Variants in WWC1 observed in about 807,000 individuals in gnomAD.
WWC1 encodes WW and C2 domain containing 1.
Under a neutral mutation model 138.4 loss-of-function variants are expected in WWC1, and 55 were observed. That is an observed-to-expected ratio of 0.40 (90% confidence interval 0.32 to 0.50). The LOEUF (loss-of-function observed/expected upper bound fraction) is 0.50, where lower values mean the gene tolerates loss of function less well. Ranked by LOEUF, WWC1 falls within the 20% of genes least tolerant of loss-of-function variation. The pLI, the probability that WWC1 is intolerant of heterozygous loss-of-function variation, is 0.72. For synonymous variants in WWC1, 524 were observed against 564.9 expected (o/e 0.93, Z 1.03); for missense variants, 1,226 against 1,420.4 (o/e 0.86, Z 2.20).
intron 7 of WWC1, among the ~76,000 whole-genome samples, chr5:168,409,278 T>C (rs540417973): frequency 1.7e-4 from 26 of 152,314 alleles, no homozygotes; most frequent in Non-Finnish European, 2.2e-4. Flanking sequence ...AGCCTCTATA[T>C]GCTGTTCCTA....
intron 18 of WWC1, 129 bp downstream of exon 18, chr5:168,454,229 G>A: frequency 7.1e-7 from 1 of 1,404,030 alleles, no homozygotes; most frequent in Non-Finnish European, 9.6e-7. Flanking sequence ...CCTCATAATG[G>A]AGTGGCCTTT....
intron 1 of WWC1, among the ~76,000 whole-genome samples, chr5:168,301,638 C>CA (rs778792626): frequency 0.24 from 23,632 of 99,676 alleles, 2,097 homozygotes; most frequent in Non-Finnish European, 0.24. Context: ...AACTTCGTCT[C>CA]AAAAAAAAAA....
At chr5:168,377,971 C>A (rs1777346585) in intron 2 of WWC1, among the ~76,000 whole-genome samples, 1 of 152,184 alleles carries the variant, frequency 6.6e-6, no homozygotes, top group South Asian at 2.1e-4. Flanking sequence ...AAGACACATG[C>A]ACTCATATGT....
intron 9 of WWC1, chr5:168,415,034 T>C (rs10077631): frequency 0.54 from 88,028 of 164,458 alleles, 25,279 homozygotes; most frequent in East Asian, 0.77. Flanking sequence ...TCATGCAGTT[T>C]GTGACTCACC....
intron 15 of WWC1, among the ~76,000 whole-genome samples, chr5:168,441,111 A>G (rs11741063): frequency 0.33 from 49,555 of 152,072 alleles, 8,294 homozygotes; most frequent in South Asian, 0.44. Context: ...ATTCTGATAC[A>G]TGCTGCGACA....
intron 1 of WWC1, among the ~76,000 whole-genome samples, chr5:168,302,458 T>C (rs989086121): frequency 6.6e-6 from 1 of 152,194 alleles, no homozygotes; most frequent in East Asian, 1.9e-4. Context: ...TGATGTTCTC[T>C]AGAGCTCTTT....
chr5:168,462,347 A>G (rs1157954204), intron 20 of WWC1, among the ~76,000 whole-genome samples: 1 of 152,074 alleles, frequency 6.6e-6, no homozygotes. Context: ...CCAACTGCCC[A>G]CTCTGGGTCC....
intron 10 of WWC1, 129 bp downstream of exon 10, chr5:168,422,226 C>A: frequency 4.5e-6 from 4 of 883,694 alleles, no homozygotes; most frequent in Non-Finnish European, 5.4e-6. Flanking sequence ...AGAAGCATAG[C>A]AAATGGATTG....
intron 2 of WWC1, among the ~76,000 whole-genome samples, chr5:168,380,456 A>G (rs1777539121): frequency 6.6e-6 from 1 of 152,206 alleles, no homozygotes; most frequent in Non-Finnish European, 1.5e-5. Flanking sequence ...AAATAAAAAA[A>G]TAAAATTCCA....
At chr5:168,315,149 C>T (rs1245960978) in intron 1 of WWC1, among the ~76,000 whole-genome samples, 1 of 151,546 alleles carries the variant, frequency 6.6e-6, no homozygotes, top group Non-Finnish European at 1.5e-5. Flanking sequence ...GAAAATAAAC[C>T]AATATTCCAT....
intron 1 of WWC1, among the ~76,000 whole-genome samples, chr5:168,350,299 T>A (rs1159935229): frequency 6.6e-6 from 1 of 152,180 alleles, no homozygotes. Flanking sequence ...CTTTTACTAG[T>A]CCATAGTGGG....
chr5:168,312,421 A>G (rs1349132150), intron 1 of WWC1, among the ~76,000 whole-genome samples: 1 of 152,270 alleles, frequency 6.6e-6, no homozygotes, highest in Non-Finnish European at 1.5e-5. Flanking sequence ...TGGCAAAGCC[A>G]GGATTCAAGC....
chr5:168,445,767 G>A (rs1755202213), intron 17 of WWC1, among the ~76,000 whole-genome samples: 1 of 151,082 alleles, frequency 6.6e-6, no homozygotes, highest in East Asian at 2.0e-4. Flanking sequence ...CAGCCCCATG[G>A]TGTTACTGGG....
intron 1 of WWC1, among the ~76,000 whole-genome samples, chr5:168,341,109 C>T (rs1035421): frequency 0.76 from 115,072 of 152,038 alleles, 43,681 homozygotes; most frequent in East Asian, 0.84. Flanking sequence ...GAGACCATGG[C>T]GCAATAATCG....
chr5:168,461,620 A>C (rs1756818779), intron 20 of WWC1, among the ~76,000 whole-genome samples: 1 of 152,188 alleles, frequency 6.6e-6, no homozygotes, highest in Admixed American at 6.5e-5. Context: ...GGGTAGGCAA[A>C]GGAGCGACCC....
At chr5:168,302,809 C>T (rs1270296781) in intron 1 of WWC1, among the ~76,000 whole-genome samples, 1 of 152,166 alleles carries the variant, frequency 6.6e-6, no homozygotes, top group Non-Finnish European at 1.5e-5. Context: ...ATATGCCAGG[C>T]ATTGTTTTGG....
At chr5:168,315,182 T>A (rs1175311735) in intron 1 of WWC1, among the ~76,000 whole-genome samples, 1 of 152,050 alleles carries the variant, frequency 6.6e-6, no homozygotes, top group Non-Finnish European at 1.5e-5. Flanking sequence ...TAACTTTTTT[T>A]TTTTTTTTCC....
chr5:168,422,943 C>T (rs372245038), intron 10 of WWC1, among the ~76,000 whole-genome samples: 65 of 151,924 alleles, frequency 4.3e-4, no homozygotes, highest in African/African-American at 1.5e-3. Context: ...CTCAGGAGTT[C>T]GAGACTAGCC....
chr5:168,344,692 C>A (rs1277684566), intron 1 of WWC1, among the ~76,000 whole-genome samples: 1 of 152,186 alleles, frequency 6.6e-6, no homozygotes, highest in Non-Finnish European at 1.5e-5. Flanking sequence ...GCGTCTGTCA[C>A]AGCAGGAAGC....
Sources: gnomAD v4.1 joint callset for allele counts (sites outside exome capture counted in the v4.1 genomes callset) on GRCh38, gnomAD v4.1.1 for gene constraint, MANE v1.5 for transcripts, NCBI Gene and HGNC (gene_info 2026-07-23, HGNC 2026-07-21) for gene names.